Variants in EXOC6 observed in about 807,000 individuals in gnomAD.
EXOC6 encodes the protein SEC15-like 1.
Under a neutral mutation model 112.5 loss-of-function variants are expected in EXOC6, and 60 were observed. The observed-to-expected ratio is 0.53, with a 90% confidence interval of 0.43 to 0.66. The LOEUF (loss-of-function observed/expected upper bound fraction) is 0.66, where lower values mean the gene tolerates loss of function less well. Among genes scored for constraint, EXOC6 ranks in the 30% least tolerant of loss-of-function variants. The pLI, the probability that EXOC6 is intolerant of heterozygous loss-of-function variation, is 0.00. For missense variants in EXOC6, 855 were observed against 957.1 expected (o/e 0.89, Z 1.41); for synonymous variants, 295 against 308.0 (o/e 0.96, Z 0.44).
At chr10:93,057,077 C>T (rs1165054468) in intron 21 of EXOC6, 41 bp downstream of exon 21, 2 of 1,059,660 alleles carry the variant, frequency 1.9e-6, no homozygotes, top group Admixed American at 2.6e-5. Context: ...CATTTTAGCA[C>T]CTTTTGATTC....
chr10:92,931,066 C>T (rs11187220), intron 9 of EXOC6, among the ~76,000 whole-genome samples: 4 of 132,092 alleles, frequency 3.0e-5, no homozygotes, highest in East Asian at 4.5e-4. Context: ...GAACTGAGAT[C>T]GTACCATTGC....
At chr10:92,996,932 GAAGC>G (rs1222988288) in intron 18 of EXOC6, among the ~76,000 whole-genome samples, 5 of 152,022 alleles carry the variant, frequency 3.3e-5, no homozygotes, top group Non-Finnish European at 5.9e-5. Context: ...GCCAGTGATT[GAAGC>G]TATGCTATAG....
At chr10:92,983,393 A>G (rs1454293262) in intron 18 of EXOC6, among the ~76,000 whole-genome samples, 4 of 152,062 alleles carry the variant, frequency 2.6e-5, no homozygotes, top group Non-Finnish European at 4.4e-5. Flanking sequence ...GAGAATATCT[A>G]GTGAGCCTGT....
At position 92,875,590 on chromosome 10, in the gene EXOC6, A is replaced by G. The variant is rs983059222; in HGVS notation, c.102-17759A>G. On this transcript the variant is annotated intron_variant, in intron 1 of 21. Transcript: ENST00000260762. Reference sequence around the variant, plus strand: ...GCCATGAGTACAACAGACTTAGTAAATCATTTTGGACTGAATTAATGAAAA... The same window carrying G: ...GCCATGAGTACAACAGACTTAGTAAGTCATTTTGGACTGAATTAATGAAAA... Among the ~76,000 whole-genome samples, 10 of 152,278 alleles carry G rather than the reference A, an allele frequency of 6.6e-5. No homozygotes were observed. The East Asian group carries it at 1.7e-3, about 26-fold the overall frequency.
Position 93,045,119 on chromosome 10 carries a change from G to A in EXOC6, c.2170-11805G>A, listed in dbSNP as rs1845946166. 2.6e-5 allele frequency among the ~76,000 whole-genome samples: 4 copies of A among 152,284 alleles called. No individual in the cohort carries two copies. The South Asian group carries it at 6.2e-4, about 24-fold the overall frequency. The stretch of plus-strand genomic sequence containing the variant: ...AACTTCTGGCCTCAAGTGATCTGCC[G>A]CCTCAGCCTCCTAAAGTGCTGGGAT... On this transcript the variant is annotated intron_variant, in intron 20 of 21. Transcript: ENST00000260762.
chr10:92,868,765 A>G (rs944211024), intron 1 of EXOC6, among the ~76,000 whole-genome samples: 23 of 149,872 alleles, frequency 1.5e-4, no homozygotes, highest in Admixed American at 1.5e-3. Flanking sequence ...CACTATTTTA[A>G]TTGGGCCCTC....
chr10:93,014,514 C>T (rs1241666497), intron 20 of EXOC6, among the ~76,000 whole-genome samples: 1 of 152,162 alleles, frequency 6.6e-6, no homozygotes, highest in Non-Finnish European at 1.5e-5. Context: ...ACCTGCTAAG[C>T]ACATTACTAA....
chr10:92,980,488 C>G (rs1426011080), intron 18 of EXOC6, among the ~76,000 whole-genome samples: 1 of 151,924 alleles, frequency 6.6e-6, no homozygotes, highest in East Asian at 1.9e-4. Flanking sequence ...TGTAATGAAA[C>G]TTTTTTCACT....
At chr10:92,953,102 A>G (rs965455666) in intron 15 of EXOC6, among the ~76,000 whole-genome samples, 2 of 152,150 alleles carry the variant, frequency 1.3e-5, no homozygotes, top group Admixed American at 6.6e-5. Context: ...GTTTTGAGAC[A>G]GGAACTCACT....
At position 92,915,911 on chromosome 10, in the gene EXOC6, G is replaced by A; in HGVS notation, c.817G>A (p.Glu273Lys). 1 of 1,523,876 alleles carries A rather than the reference G, an allele frequency of 6.6e-7. No homozygotes were observed. Among genetic ancestry groups the A allele is most frequent in the Non-Finnish European group, 8.7e-7 (1 of 1,146,450 alleles). 94.4% of individuals were successfully genotyped at this position (1,523,876 alleles called of 1,614,324 possible). A position where few individuals can be genotyped will look rare whatever the true frequency, so the allele number is the denominator to read the frequency against. ...SLEEEDENEE[E>K]ILTVQDLVDF... ...TGAAGAAGAGGATGAGAATGAAGAAGAGGTGATAGGTGTCTTTCTTTCTTT... is the reference window on the plus strand; with the variant it reads ...TGAAGAAGAGGATGAGAATGAAGAAAAGGTGATAGGTGTCTTTCTTTCTTT... Residue 273 changes from glutamate to lysine, a missense_variant and splice_region_variant, in exon 7 of 22, where the codon GAG becomes AAG. Around this residue, in one of 2 missense-constraint regions of EXOC6, gnomAD observed 405 missense variants for 393.6 expected, o/e 1.03. Transcript: ENST00000260762.
intron 20 of EXOC6, among the ~76,000 whole-genome samples, chr10:93,019,638 T>TTA (rs1844690931): frequency 6.6e-6 from 1 of 152,280 alleles, no homozygotes; most frequent in Admixed American, 6.5e-5. Context: ...GAGGTTGACT[T>TTA]TATAAAGCCA....
At chr10:92,963,803 T>C (rs1854151493) in intron 17 of EXOC6, among the ~76,000 whole-genome samples, 1 of 152,152 alleles carries the variant, frequency 6.6e-6, no homozygotes, top group Non-Finnish European at 1.5e-5. Flanking sequence ...AGATAATCTT[T>C]TAGAGAGATT....
At chr10:93,044,782 C>A (rs117465988) in intron 20 of EXOC6, among the ~76,000 whole-genome samples, 2 of 152,178 alleles carry the variant, frequency 1.3e-5, no homozygotes, top group Non-Finnish European at 2.9e-5. Context: ...TGGTTTCTTT[C>A]GGTTATCCTG....
intron 18 of EXOC6, among the ~76,000 whole-genome samples, chr10:92,989,110 C>T (rs559869200): frequency 1.3e-5 from 2 of 152,280 alleles, no homozygotes; most frequent in African/African-American, 2.4e-5. Flanking sequence ...GTAGAACTTA[C>T]ACCTCTTATG....
At chr10:92,933,878 A>G (rs1316148181) in intron 9 of EXOC6, among the ~76,000 whole-genome samples, 1 of 152,140 alleles carries the variant, frequency 6.6e-6, no homozygotes, top group Non-Finnish European at 1.5e-5. Context: ...GTCAAAGTAG[A>G]GGTGATGACA....
rs2133902924 is a variant in EXOC6, at chr10:92,918,838, GTGTA to G, written c.820-1140_820-1137del. 1.3e-5 allele frequency among the ~76,000 whole-genome samples: 2 copies of G among 152,260 alleles called. 1 individual carries two copies. The highest frequency in any genetic ancestry group is 4.1e-4 in the South Asian group (2 of 4,824). On this transcript the variant is annotated intron_variant, in intron 7 of 21. Coordinates refer to ENST00000260762, the MANE Select transcript of EXOC6 (RefSeq NM_019053.6). ...TTTGTGTGAATATGTATGCACATAT[GTGTA>G]TGTGTGTATATATGTGTATATATGT...
chr10:92,890,736 TAAG>T (rs150363467), intron 1 of EXOC6, among the ~76,000 whole-genome samples: 4,672 of 152,150 alleles, frequency 0.031, 168 homozygotes, highest in East Asian at 0.14. Flanking sequence ...GCCTGTGTAT[TAAG>T]AAAGCCATGA....
chr10:92,892,049 C>T (rs1849528265), intron 1 of EXOC6, among the ~76,000 whole-genome samples: 1 of 152,148 alleles, frequency 6.6e-6, no homozygotes, highest in African/African-American at 2.4e-5. Context: ...CAAAGGCCTG[C>T]TGGAAGAAAT....
At chr10:92,910,657 G>A (rs1295973008) in intron 6 of EXOC6, among the ~76,000 whole-genome samples, 4 of 152,044 alleles carry the variant, frequency 2.6e-5, no homozygotes, top group Non-Finnish European at 4.4e-5. Context: ...GGGGCCGGGC[G>A]GGGTGGCTCA....
Sources: gnomAD v4.1 joint callset for allele counts (sites outside exome capture counted in the v4.1 genomes callset) on GRCh38, gnomAD v4.1.1 for gene constraint, gnomAD v4.1.1 regional missense constraint, MANE v1.5 for transcripts, NCBI Gene and HGNC (gene_info 2026-07-23, HGNC 2026-07-21) for gene names.